Variants in XKR9 observed in about 807,000 individuals in gnomAD.
The protein encoded by XKR9 is XK related 9, also known as XK-related protein 9.
In XKR9, 32 loss-of-function variants were observed where a neutral mutation model predicts 32.0. That is an observed-to-expected ratio of 1.00 (90% CI 0.76 to 1.34). The LOEUF is 1.34. Among genes scored for constraint, XKR9 ranks in the 40% most tolerant of loss-of-function variants. The probability of loss-of-function intolerance (pLI) is 0.00; values close to 1 mark genes in which losing one functional copy is unlikely to be tolerated. For synonymous variants in XKR9, 168 were observed against 143.4 expected (o/e 1.17, Z -1.22); for missense variants, 546 against 429.7 (o/e 1.27, Z -2.39).
At chr8:70,984,872 T>C in the XKR9 span, among the ~76,000 whole-genome samples, 1 of 152,370 alleles carries the variant, frequency 6.6e-6, no homozygotes, top group Non-Finnish European at 1.5e-5. Flanking sequence ...ATGGAAAGTC[T>C]GTAAAATGTA....
the XKR9 span, among the ~76,000 whole-genome samples, chr8:70,916,281 G>A: frequency 6.6e-6 from 1 of 152,168 alleles, no homozygotes; most frequent in Admixed American, 6.5e-5. Context: ...TTAAGTTTGT[G>A]TGCCTTTTCT....
the XKR9 span, among the ~76,000 whole-genome samples, chr8:70,975,540 T>G: frequency 6.6e-6 from 1 of 152,216 alleles, no homozygotes; most frequent in African/African-American, 2.4e-5. Context: ...TTGTCAAAGA[T>G]CAGATGGTAG....
At chr8:70,957,197 G>C in the XKR9 span, among the ~76,000 whole-genome samples, 2 of 151,972 alleles carry the variant, frequency 1.3e-5, no homozygotes, top group East Asian at 3.9e-4. Flanking sequence ...GGAATCTTGA[G>C]GAAAAAAATA....
the XKR9 span, among the ~76,000 whole-genome samples, chr8:70,975,744 T>G: frequency 1.3e-5 from 2 of 152,230 alleles, no homozygotes; most frequent in African/African-American, 4.8e-5. Context: ...TGGTTCCATA[T>G]GAACTTTAAA....
the XKR9 span, among the ~76,000 whole-genome samples, chr8:70,847,438 G>T: frequency 1.6e-4 from 24 of 151,474 alleles, 1 homozygote; most frequent in African/African-American, 2.7e-4. Flanking sequence ...AGAAAAGCAA[G>T]AACAAACCAA....
At chr8:70,739,048 C>T (rs568935916), downstream of XKR9, among the ~76,000 whole-genome samples, 3 of 147,756 alleles carry the variant, frequency 2.0e-5, no homozygotes, top group East Asian at 1.9e-4. Flanking sequence ...TCTTGTTGAT[C>T]TGTCTAATGT....
the XKR9 span, among the ~76,000 whole-genome samples, chr8:71,060,982 G>A: frequency 4.6e-5 from 7 of 152,162 alleles, no homozygotes; most frequent in East Asian, 1.9e-4. Flanking sequence ...TATTGAGGGC[G>A]TATGTACCAG....
At chr8:70,716,198 T>C (rs1299783366) in intron 4 of XKR9, among the ~76,000 whole-genome samples, 1 of 152,032 alleles carries the variant, frequency 6.6e-6, no homozygotes, top group Non-Finnish European at 1.5e-5. Context: ...TAGAGGGTTA[T>C]GAAAACTAAC....
chr8:70,701,803 T>C (rs952651518), intron 3 of XKR9, among the ~76,000 whole-genome samples: 1 of 152,174 alleles, frequency 6.6e-6, no homozygotes, highest in African/African-American at 2.4e-5. Flanking sequence ...ATGCCATTAC[T>C]GTTCAGGGGT....
the XKR9 span, among the ~76,000 whole-genome samples, chr8:70,862,100 A>G: frequency 6.6e-6 from 1 of 152,210 alleles, no homozygotes; most frequent in Non-Finnish European, 1.5e-5. Flanking sequence ...GGATGTCTGG[A>G]TGGCTGAGAA....
chr8:70,721,034 C>T (rs766888731), intron 4 of XKR9, among the ~76,000 whole-genome samples: 5 of 151,888 alleles, frequency 3.3e-5, no homozygotes, highest in African/African-American at 9.7e-5. Context: ...CTTGGGAGGG[C>T]GTGTGTGTCC....
chr8:71,032,841 T>C, the XKR9 span, among the ~76,000 whole-genome samples: 1 of 152,160 alleles, frequency 6.6e-6, no homozygotes, highest in Non-Finnish European at 1.5e-5. Context: ...TCCCAGCACT[T>C]TGGGAGGCCG....
the XKR9 span, among the ~76,000 whole-genome samples, chr8:70,902,228 A>G: frequency 6.6e-6 from 1 of 152,184 alleles, no homozygotes; most frequent in Non-Finnish European, 1.5e-5. Context: ...CATTGAATCT[A>G]TAAATTATCT....
At chr8:70,711,428 G>A (rs181365960) in intron 4 of XKR9, among the ~76,000 whole-genome samples, 87 of 152,270 alleles carry the variant, frequency 5.7e-4, no homozygotes, top group Non-Finnish European at 1.1e-3. Context: ...TATATACCAT[G>A]GAATACTACA....
At chr8:70,921,722 G>A in the XKR9 span, among the ~76,000 whole-genome samples, 1 of 152,146 alleles carries the variant, frequency 6.6e-6, no homozygotes, top group South Asian at 2.1e-4. Context: ...GTACAAAGGA[G>A]CGGCTGGCAG....
At chr8:70,684,726 C>G (rs1336482912) in intron 3 of XKR9, among the ~76,000 whole-genome samples, 1 of 145,460 alleles carries the variant, frequency 6.9e-6, no homozygotes, top group Non-Finnish European at 1.5e-5. Context: ...TTTATGCAGC[C>G]AAAAAACACA....
At chr8:71,024,041 G>A in the XKR9 span, among the ~76,000 whole-genome samples, 4 of 152,154 alleles carry the variant, frequency 2.6e-5, no homozygotes, top group African/African-American at 4.8e-5. Context: ...GCACTTGGGA[G>A]GGGCAGGGCC....
the XKR9 span, among the ~76,000 whole-genome samples, chr8:70,852,194 A>G: frequency 6.6e-6 from 1 of 152,242 alleles, no homozygotes; most frequent in African/African-American, 2.4e-5. Context: ...GCTCCTCATC[A>G]ATGGTCATAA....
At chr8:70,721,214 G>A (rs1448759871) in intron 4 of XKR9, among the ~76,000 whole-genome samples, 1 of 152,050 alleles carries the variant, frequency 6.6e-6, no homozygotes, top group Non-Finnish European at 1.5e-5. Flanking sequence ...AGTCTTGCTA[G>A]TGGTGTATCT....
Sources: gnomAD v4.1 joint callset for allele counts (sites outside exome capture counted in the v4.1 genomes callset) on GRCh38, gnomAD v4.1.1 for gene constraint, MANE v1.5 for transcripts, NCBI Gene and HGNC (gene_info 2026-07-23, HGNC 2026-07-21) for gene names.